GNAQ: variants seen among roughly 807,000 people sequenced by gnomAD.
The protein encoded by GNAQ is G protein subunit alpha q.
In GNAQ, 8 loss-of-function variants were observed where a neutral mutation model predicts 43.9. The observed-to-expected ratio is 0.18, with a 90% CI of 0.11 to 0.33. The LOEUF is 0.33. Among genes scored for constraint, GNAQ ranks in the 10% least tolerant of loss-of-function variants. The probability of loss-of-function intolerance (pLI) is 1.00; values close to 1 mark genes in which losing one functional copy is unlikely to be tolerated. For synonymous variants in GNAQ, 155 were observed against 170.7 expected (o/e 0.91, Z 0.71); for missense variants, 158 against 450.8 (o/e 0.35, Z 5.88).
At chr9:77,900,352 G>C (rs1214156422) in intron 2 of GNAQ, among the ~76,000 whole-genome samples, 1 of 152,096 alleles carries the variant, frequency 6.6e-6, no homozygotes. Flanking sequence ...GAAGCTTATT[G>C]CTAAAATGAG....
At chr9:77,959,029 T>C (rs1238991272) in intron 1 of GNAQ, among the ~76,000 whole-genome samples, 1 of 152,188 alleles carries the variant, frequency 6.6e-6, no homozygotes, top group Non-Finnish European at 1.5e-5. Context: ...TAAGCCTCAA[T>C]ATCACTGTTC....
At chr9:78,030,996 C>G in intron 1 of GNAQ, 104 bp downstream of exon 1, 8 of 876,372 alleles carry the variant, frequency 9.1e-6, no homozygotes, top group Non-Finnish European at 1.2e-5. Context: ...TAGGGGCGAA[C>G]CGCGGGCGCC....
At chr9:77,762,062 C>G (rs75067008) in intron 5 of GNAQ, among the ~76,000 whole-genome samples, 1 of 95,890 alleles carries the variant, frequency 1.0e-5, no homozygotes, top group Non-Finnish European at 2.3e-5. Context: ...CCGCCCCGTC[C>G]GGGAGGGAGG....
rs560561674 is a variant in GNAQ at position 77,719,088 on chromosome 9, C to T, written c.*2235G>A. On this transcript the variant is annotated 3_prime_UTR_variant, in exon 7 of 7. Coordinates refer to ENST00000286548, the MANE Select transcript of GNAQ (RefSeq NM_002072.5). ...GTGCAAATGATTTTATACAGCACGA[C>T]GCTAGTACCGCTCTGTATGACAGTA... 23 of 231,154 alleles carry T rather than the reference C, an allele frequency of 1.0e-4. No individual in the cohort carries two copies. Among genetic ancestry groups the T allele is most frequent in the Admixed American group, 6.2e-4 (11 of 17,680 alleles). The allele number at this position is 231,154 out of a possible 1,614,324, so 14.3% of individuals were successfully genotyped here.
At chr9:77,916,867 A>G (rs1464519678) in intron 2 of GNAQ, among the ~76,000 whole-genome samples, 10 of 152,206 alleles carry the variant, frequency 6.6e-5, no homozygotes, top group Admixed American at 5.9e-4. Flanking sequence ...GCATTGTATC[A>G]GATTCTTTTC....
At chr9:77,966,313 CTGAG>C (rs760484899) in intron 1 of GNAQ, among the ~76,000 whole-genome samples, 13 of 152,130 alleles carry the variant, frequency 8.5e-5, no homozygotes, top group South Asian at 4.1e-4. Context: ...GTGCAGCTTA[CTGAG>C]TATCAATTAC....
Position 77,819,579 on chromosome 9 carries a change from T to A in GNAQ, c.322-3809A>T, listed in dbSNP as rs184677101. ...TTGTGGAAGCTCTTAGACACAAATA[T>A]CCAGCTTATTAGGCCTGCTCTGTCT... On this transcript the variant is annotated intron_variant, in intron 2 of 6. Transcript: ENST00000286548. 1.7e-3 allele frequency among the ~76,000 whole-genome samples: 259 copies of A among 152,204 alleles called. 1 individual carries two copies. The highest frequency in any genetic ancestry group is 5.8e-3 in the African/African-American group (242 of 41,506).
At chr9:77,848,836 G>A (rs1014545863) in intron 2 of GNAQ, among the ~76,000 whole-genome samples, 5 of 152,114 alleles carry the variant, frequency 3.3e-5, no homozygotes, top group Non-Finnish European at 5.9e-5. Context: ...GGGGAAAAAG[G>A]AAAAGGAAAG....
chr9:77,860,601 G>C (rs1827832899), intron 2 of GNAQ, among the ~76,000 whole-genome samples: 1 of 152,172 alleles, frequency 6.6e-6, no homozygotes, highest in Non-Finnish European at 1.5e-5. Context: ...TTGCACTTTT[G>C]TGAGAATCTG....
chr9:77,836,442 T>C (rs1827386394), intron 2 of GNAQ, among the ~76,000 whole-genome samples: 1 of 152,220 alleles, frequency 6.6e-6, no homozygotes, highest in African/African-American at 2.4e-5. Flanking sequence ...GTTTAGGTAA[T>C]CTTATTCGGT....
intron 1 of GNAQ, among the ~76,000 whole-genome samples, chr9:77,965,593 A>G (rs1377754722): frequency 6.6e-6 from 1 of 152,220 alleles, no homozygotes; most frequent in Non-Finnish European, 1.5e-5. Context: ...AAAGCACATG[A>G]GAAACTACTC....
intron 5 of GNAQ, among the ~76,000 whole-genome samples, chr9:77,750,368 TAC>T (rs1825794602): frequency 6.6e-6 from 1 of 152,198 alleles, no homozygotes; most frequent in African/African-American, 2.4e-5. Context: ...TTAATCATAA[TAC>T]AGTTTTACTT....
At chr9:77,873,295 C>T (rs1248110610) in intron 2 of GNAQ, among the ~76,000 whole-genome samples, 19 of 152,204 alleles carry the variant, frequency 1.2e-4, no homozygotes, top group Admixed American at 1.2e-3. Flanking sequence ...AACCTCATTA[C>T]ATTATTACAT....
intron 1 of GNAQ, among the ~76,000 whole-genome samples, chr9:77,960,008 G>C (rs961415358): frequency 1.3e-5 from 2 of 152,042 alleles, no homozygotes; most frequent in Non-Finnish European, 2.9e-5. Context: ...ATGATAAATG[G>C]ATTCCTTGCC....
chr9:77,918,918 A>G (rs1288909118), intron 2 of GNAQ, among the ~76,000 whole-genome samples: 1 of 152,074 alleles, frequency 6.6e-6, no homozygotes, highest in East Asian at 1.9e-4. Context: ...TGTTAAGCTC[A>G]CAAATAATTT....
chr9:77,785,112 G>A lies in GNAQ; in HGVS notation c.735+9351C>T, dbSNP rs540971716. On this transcript the variant is annotated intron_variant, in intron 5 of 6. Coordinates refer to ENST00000286548, the MANE Select transcript of GNAQ (RefSeq NM_002072.5). ...GAATGCAATCTTATTTATCAAGAGG[G>A]TCTTTGCTGTAAGGATCTTGAGATG... Among the ~76,000 whole-genome samples the A allele has an allele frequency of 5.3e-5, 8 of 152,306 alleles. No individual in the cohort carries two copies. In the South Asian group the frequency reaches 1.7e-3, roughly 32 times the overall value.
chr9:77,766,429 G>A (rs530688569), intron 5 of GNAQ, among the ~76,000 whole-genome samples: 1 of 152,160 alleles, frequency 6.6e-6, no homozygotes. Context: ...TTCAGATGGG[G>A]AATATGTACT....
chr9:77,728,349 A>C (rs1326995910), intron 6 of GNAQ, among the ~76,000 whole-genome samples, 165 bp downstream of exon 6: 2 of 152,204 alleles, frequency 1.3e-5, no homozygotes, highest in Admixed American at 6.5e-5. Flanking sequence ...GTTTTGTGTC[A>C]CTAAAAGACA....
chr9:77,729,422 G>A (rs1825451056), intron 5 of GNAQ, among the ~76,000 whole-genome samples: 1 of 152,148 alleles, frequency 6.6e-6, no homozygotes, highest in African/African-American at 2.4e-5. Context: ...AACCCTAAAT[G>A]GATTCTGAAG....
Sources: gnomAD v4.1 joint callset for allele counts (sites outside exome capture counted in the v4.1 genomes callset) on GRCh38, gnomAD v4.1.1 for gene constraint, MANE v1.5 for transcripts, NCBI Gene and HGNC (gene_info 2026-07-23, HGNC 2026-07-21) for gene names.